The following GSE1 variants were observed in gnomAD, a reference collection of about 807,000 sequenced individuals.
GSE1 encodes the protein Gse1 coiled-coil protein.
GSE1 carries 32 observed loss-of-function variants against 112.6 expected under a neutral mutation model. The observed-to-expected ratio is 0.28, with a 90% confidence interval of 0.21 to 0.38. The LOEUF is 0.38. Ranked by LOEUF, GSE1 falls within the 10% of genes least tolerant of loss-of-function variation. The probability of loss-of-function intolerance (pLI) is 1.00; values close to 1 mark genes in which losing one functional copy is unlikely to be tolerated. For missense variants in GSE1, 2,348 were observed against 1,699.2 expected, an observed-to-expected ratio of 1.38 and a Z score of -6.71; for synonymous variants, 1,115 against 735.6, an observed-to-expected ratio of 1.52 and a Z score of -8.35.
chr16:85,309,883 G>A (rs763622651), intron 1 of GSE1, among the ~76,000 whole-genome samples: 1 of 152,216 alleles, frequency 6.6e-6, no homozygotes, highest in East Asian at 1.9e-4. Context: ...GCGAAGTGGC[G>A]GGCGCCCCCT....
intron 2 of GSE1, among the ~76,000 whole-genome samples, chr16:85,403,512 G>A (rs981060368): frequency 1.3e-5 from 2 of 152,062 alleles, no homozygotes; most frequent in African/African-American, 4.8e-5. Flanking sequence ...ATTGTAGGCC[G>A]GGCACAGTGG....
At position 85,394,959 on chromosome 16, in the gene GSE1, C is replaced by T. The variant is rs141609435; in HGVS notation, c.2464+37316C>T. Among the ~76,000 whole-genome samples the T allele has an allele frequency of 5.5e-3, 831 of 152,174 alleles. 7 individuals are homozygous for T. Among genetic ancestry groups the T allele is most frequent in the Middle Eastern group, 0.027 (8 of 294 alleles). On this transcript the variant is annotated intron_variant, in intron 2 of 2. Transcript: ENST00000637419. Reference sequence around the variant, plus strand: ...GGCTAGAGGCATCCAGGGAAGGCCCCCTGGAGGAAGTGGCAATTGAGTCGG... The same window carrying T: ...GGCTAGAGGCATCCAGGGAAGGCCCTCTGGAGGAAGTGGCAATTGAGTCGG...
intron 1 of GSE1, among the ~76,000 whole-genome samples, chr16:85,624,633 C>A (rs117281024): frequency 0.013 from 1,987 of 152,332 alleles, 18 homozygotes; most frequent in Non-Finnish European, 0.021. Context: ...GGTTTCCTTC[C>A]GGCTCCTGAG....
intron 1 of GSE1, among the ~76,000 whole-genome samples, chr16:85,614,275 A>T (rs2048220730): frequency 6.6e-6 from 1 of 151,926 alleles, no homozygotes; most frequent in Non-Finnish European, 1.5e-5. Flanking sequence ...GGCCCGACCG[A>T]GTGGAGCCGA....
chr16:85,635,078 G>A lies in GSE1; in HGVS notation c.226+946G>A, dbSNP rs559119994. Among the ~76,000 whole-genome samples the A allele has an allele frequency of 4.6e-5, 7 of 152,332 alleles. No individual in the cohort carries two copies. The East Asian group carries it at 1.2e-3, about 25-fold the overall frequency. ...AGCAACACATGCAGGAGCCATGTCC[G>A]TCTTTACATTACCCGGGTTCCAGCT... is the stretch of plus-strand genomic sequence containing the variant. On this transcript the variant is annotated intron_variant, in intron 2 of 15. Transcript: ENST00000253458.
Position 85,558,822 on chromosome 16 carries a change from G to A in GSE1, c.37+2459G>A, listed in dbSNP as rs115874903. Reference sequence around the variant, plus strand: ...CAGGGAGTGGCTTCCCAGGGCTGGGGTTAACGCATTGAGAGTGATGGAAAC... The same window carrying A: ...CAGGGAGTGGCTTCCCAGGGCTGGGATTAACGCATTGAGAGTGATGGAAAC... On this transcript the variant is annotated intron_variant, in intron 1 of 2. Coordinates refer to the GSE1 transcript ENST00000635906. Among the ~76,000 whole-genome samples, 856 of 152,284 alleles carry A rather than the reference G, an allele frequency of 5.6e-3. 8 individuals carry two copies. The highest frequency in any genetic ancestry group is 0.02 in the African/African-American group (818 of 41,554).
At chr16:85,320,665 C>T (rs578262129) in intron 1 of GSE1, among the ~76,000 whole-genome samples, 1 of 152,130 alleles carries the variant, frequency 6.6e-6, no homozygotes, top group South Asian at 2.1e-4. Flanking sequence ...TCTTCCAAGA[C>T]CGTATTTCAA....
intron 1 of GSE1, among the ~76,000 whole-genome samples, chr16:85,217,772 G>A (rs547016647): frequency 6.6e-6 from 1 of 152,070 alleles, no homozygotes; most frequent in Non-Finnish European, 1.5e-5. Context: ...ATTTTTCCCT[G>A]CTGCATCCTC....
At chr16:85,224,781 A>C (rs7198515) in intron 1 of GSE1, among the ~76,000 whole-genome samples, 4,131 of 151,332 alleles carry the variant, frequency 0.027, 194 homozygotes, top group African/African-American at 0.096. Context: ...TGAGGTCAGG[A>C]GTTCGAGACC....
intron 2 of GSE1, among the ~76,000 whole-genome samples, chr16:85,414,910 A>C (rs1427324118): frequency 2.0e-5 from 3 of 152,178 alleles, no homozygotes; most frequent in African/African-American, 7.2e-5. Context: ...TGCTGGGATC[A>C]CAGGCATGAG....
At position 85,637,585 on chromosome 16, in the gene GSE1, C is replaced by T. The variant is rs376330535; in HGVS notation, c.226+3453C>T. 9.2e-5 allele frequency among the ~76,000 whole-genome samples: 14 copies of T among 152,228 alleles called. No individual in the cohort carries two copies. The East Asian group carries it at 1.2e-3, about 13-fold the overall frequency. On this transcript the variant is annotated intron_variant, in intron 2 of 15. Coordinates refer to ENST00000253458, the MANE Select transcript of GSE1 (RefSeq NM_014615.5). ...TATCGAGCGCCTGCTGTGCCCCTGG[C>T]GGGCTCGCTGTGCTTCTCACACACC...
At chr16:85,331,847 T>G (rs574150585) in intron 1 of GSE1, among the ~76,000 whole-genome samples, 1 of 151,916 alleles carries the variant, frequency 6.6e-6, no homozygotes, top group East Asian at 1.9e-4. Flanking sequence ...CGCGCCCAGC[T>G]ACTCCCTGTC....
At chr16:85,474,254 C>G (rs1273667141) in intron 2 of GSE1, among the ~76,000 whole-genome samples, 2 of 152,080 alleles carry the variant, frequency 1.3e-5, no homozygotes, top group African/African-American at 2.4e-5. Flanking sequence ...GAGCCGGCAT[C>G]TCAGTGCAGC....
chr16:85,437,490 G>A (rs1445130066), intron 2 of GSE1, among the ~76,000 whole-genome samples: 1 of 152,004 alleles, frequency 6.6e-6, no homozygotes, highest in African/African-American at 2.4e-5. Context: ...CTAGGGAGGC[G>A]GCACCCACAC....
At chr16:85,329,643 A>T (rs1410748772) in intron 1 of GSE1, among the ~76,000 whole-genome samples, 1 of 151,942 alleles carries the variant, frequency 6.6e-6, no homozygotes, top group African/African-American at 2.4e-5. Flanking sequence ...GCCAAGGCTC[A>T]TTAAGCGCCG....
chr16:85,637,709 C>T (rs2050119550), intron 2 of GSE1, among the ~76,000 whole-genome samples: 1 of 151,570 alleles, frequency 6.6e-6, no homozygotes, highest in East Asian at 1.9e-4. Flanking sequence ...GCCTGAGACT[C>T]CATAGACCCC....
rs1187927400 is a variant in GSE1, at chr16:85,506,492, G to A, written c.2465-127422G>A. Among the ~76,000 whole-genome samples, 4 of 152,226 alleles carry A rather than the reference G, an allele frequency of 2.6e-5. 1 individual carries two copies. Among genetic ancestry groups the A allele is most frequent in the African/African-American group, 7.2e-5 (3 of 41,534 alleles). On this transcript the variant is annotated intron_variant, in intron 2 of 2. Coordinates refer to the GSE1 transcript ENST00000637419. ...TCCAGGAAAAGGGGGCAAGACAAGC[G>A]AAGAAGGAGCCAGAAGAGCAGGGCC...
At chr16:85,340,597 C>T (rs1380251859) in intron 1 of GSE1, among the ~76,000 whole-genome samples, 14 of 152,152 alleles carry the variant, frequency 9.2e-5, no homozygotes, top group African/African-American at 2.9e-4. Context: ...GCCAAGATCG[C>T]GTCACTGTAC....
At chr16:85,265,845 C>CAGG in intron 1 of GSE1, among the ~76,000 whole-genome samples, 1 of 152,272 alleles carries the variant, frequency 6.6e-6, no homozygotes, top group South Asian at 2.1e-4. Context: ...AGCCCAGGGC[C>CAGG]AGGGCAGGTG....
Sources: gnomAD v4.1 joint callset for allele counts (sites outside exome capture counted in the v4.1 genomes callset) on GRCh38, gnomAD v4.1.1 for gene constraint, MANE v1.5 for transcripts, NCBI Gene and HGNC (gene_info 2026-07-23, HGNC 2026-07-21) for gene names.